The following F3 variants were observed in gnomAD, a reference collection of about 807,000 sequenced individuals.
F3 encodes tissue factor.
In F3, 18 loss-of-function variants were observed where a neutral mutation model predicts 33.5. The observed-to-expected ratio is 0.54, with a 90% CI of 0.37 to 0.80. The LOEUF (loss-of-function observed/expected upper bound fraction) is 0.80, where lower values mean the gene tolerates loss of function less well. Ranked by LOEUF, F3 falls within the 30% of genes least tolerant of loss-of-function variation. The pLI, the probability that F3 is intolerant of heterozygous loss-of-function variation, is 0.00. For synonymous variants in F3, 147 were observed against 140.7 expected (o/e 1.05, Z -0.32); for missense variants, 353 against 362.1 (o/e 0.97, Z 0.20).
At position 94,540,334 on chromosome 1, in the gene F3, A is replaced by T. The variant is rs763070336; in HGVS notation, c.135T>A (p.Thr45=). The part of the protein sequence containing the change: ...TTNTVAAYNL[T]WKSTNFKTIL... ...TTGTCTTGAAATTAGTTGATTTCCA[A>T]GTTAAATTATATGCTGCCACAGTAT... Residue 45 remains threonine, a synonymous_variant, in exon 2 of 6, where the codon ACT becomes ACA. Transcript: ENST00000334047. 9.9e-6 allele frequency: 16 copies of T among 1,614,042 alleles called. No individual in the cohort carries two copies. The highest frequency in any genetic ancestry group is 1.4e-5 in the Non-Finnish European group (16 of 1,179,922).
In F3 at chr1:94,529,888, A is replaced by G. The variant is rs1651363950; in HGVS notation, c.*572T>C. The G allele has an allele frequency of 1.3e-5, 2 of 152,242 alleles. No individual in the cohort carries two copies. The highest frequency in any genetic ancestry group is 4.8e-5 in the African/African-American group (2 of 41,394). The allele number at this position is 152,242 out of a possible 1,614,324, so 9.4% of individuals were successfully genotyped here. A position where few individuals can be genotyped will look rare whatever the true frequency, so the allele number is the denominator to read the frequency against. On this transcript the variant is annotated 3_prime_UTR_variant, in exon 6 of 6. Coordinates refer to ENST00000334047, the MANE Select transcript of F3 (RefSeq NM_001993.5). Reference sequence around the variant, plus strand: ...CAGGAATTCAAGACCAGCCTGGCCAAGATGGTGAAACCCCATCTCTACTAA... The same window carrying G: ...CAGGAATTCAAGACCAGCCTGGCCAGGATGGTGAAACCCCATCTCTACTAA...
chr1:94,536,797 C>G (rs1015385324), intron 2 of F3, among the ~76,000 whole-genome samples: 1 of 152,038 alleles, frequency 6.6e-6, no homozygotes, highest in Non-Finnish European at 1.5e-5. Flanking sequence ...TATAGTGAGT[C>G]TACATAATAA....
intron 4 of F3, chr1:94,532,874 C>T (rs564035884): frequency 7.8e-5 from 45 of 578,562 alleles, no homozygotes; most frequent in South Asian, 7.4e-4. Context: ...CCTGGGTCTC[C>T]GAGGGGGCCC....
intron 4 of F3, 39 bp downstream of exon 4, chr1:94,533,051 T>C: frequency 1.3e-6 from 2 of 1,594,028 alleles, no homozygotes; most frequent in Non-Finnish European, 1.7e-6. Context: ...GTATTCACAA[T>C]TTAAAACAGG....
At chr1:94,537,348 G>A (rs1651634482) in intron 2 of F3, among the ~76,000 whole-genome samples, 1 of 152,168 alleles carries the variant, frequency 6.6e-6, no homozygotes, top group Admixed American at 6.5e-5. Flanking sequence ...GACTGCCAGA[G>A]CCAGACCCAT....
intron 3 of F3, among the ~76,000 whole-genome samples, chr1:94,535,104 T>C (rs1651561103): frequency 6.6e-6 from 1 of 152,092 alleles, no homozygotes; most frequent in Non-Finnish European, 1.5e-5. Context: ...GGTTGGTTGG[T>C]TGTCCGTCCA....
intron 3 of F3, among the ~76,000 whole-genome samples, chr1:94,533,511 T>C (rs903348363): frequency 6.6e-5 from 10 of 152,190 alleles, no homozygotes; most frequent in Non-Finnish European, 1.5e-4. Flanking sequence ...GTAGTCACAT[T>C]AGAAAAAGTA....
intron 1 of F3, 95 bp downstream of exon 1, chr1:94,541,442 C>T (rs1339113465): frequency 5.9e-6 from 6 of 1,024,372 alleles, no homozygotes; most frequent in Non-Finnish European, 7.9e-6. Context: ...ACATGGGCGC[C>T]CCGGGGAACC....
At chr1:94,530,653 G>A (rs1364040352) in intron 5 of F3, 57 bp from the exon 6 acceptor site, 3 of 1,601,292 alleles carry the variant, frequency 1.9e-6, no homozygotes, top group Non-Finnish European at 2.6e-6. Flanking sequence ...TTTATCAGTG[G>A]ACAAAATTGA....
chr1:94,535,839 A>G, intron 3 of F3, 126 bp downstream of exon 3: 2 of 854,174 alleles, frequency 2.3e-6, no homozygotes, highest in South Asian at 1.7e-5. Context: ...GGGCTGTGAT[A>G]CATACCAGTT....
Position 94,532,487 on chromosome 1 carries a change from A to G in F3, c.592-7T>C. On this transcript the variant is annotated splice_polypyrimidine_tract_variant and splice_region_variant and intron_variant, in intron 4 of 5. Transcript: ENST00000334047. The stretch of plus-strand genomic sequence containing the variant: ...TGTTTGTTTTGGCTGTTTTCTGTAA[A>G]AAGATAGAGTTCTTAATTCATCTGG... 1 of 1,613,804 alleles carries G rather than the reference A, an allele frequency of 6.2e-7. No homozygotes were observed. Among genetic ancestry groups the G allele is most frequent in the Non-Finnish European group, 8.5e-7 (1 of 1,179,862 alleles).
chr1:94,532,704 T>C lies in F3; in HGVS notation c.592-224A>G, dbSNP rs3748015. Among the ~76,000 whole-genome samples the C allele has an allele frequency of 5.3e-5, 8 of 152,326 alleles. No individual in the cohort carries two copies. In the East Asian group the frequency reaches 1.2e-3, roughly 22 times the overall value. ...TCCAATTTAGGCATATTGAACCCTA[T>C]TGAGCCCCTTTAGAAGATATCTGCA... is the stretch of plus-strand genomic sequence containing the variant. On this transcript the variant is annotated intron_variant, in intron 4 of 5. Coordinates refer to ENST00000334047, the MANE Select transcript of F3 (RefSeq NM_001993.5).
intron 3 of F3, among the ~76,000 whole-genome samples, chr1:94,533,602 A>G (rs1651499559): frequency 6.6e-6 from 1 of 152,164 alleles, no homozygotes; most frequent in Non-Finnish European, 1.5e-5. Flanking sequence ...ATGGGTTTGA[A>G]CTCTGTGGAT....
rs527260851 is a variant in F3 at position 94,530,364 on chromosome 1, C to T, written c.*96G>A. 6.3e-5 allele frequency: 95 copies of T among 1,513,834 alleles called. No individual in the cohort carries two copies. Among genetic ancestry groups the T allele is most frequent in the African/African-American group, 2.7e-4 (20 of 72,792 alleles). 93.8% of individuals were successfully genotyped at this position (1,513,834 alleles called of 1,614,324 possible). On this transcript the variant is annotated 3_prime_UTR_variant, in exon 6 of 6. Transcript: ENST00000334047. Reference sequence around the variant, plus strand: ...TTTGAACTCCAGGGTCTTCATGCTCCGAAATACTCATTTGCGTTTCCATGT... The same window carrying T: ...TTTGAACTCCAGGGTCTTCATGCTCTGAAATACTCATTTGCGTTTCCATGT...
intron 2 of F3, among the ~76,000 whole-genome samples, chr1:94,539,041 G>T (rs1198977913): frequency 6.6e-6 from 1 of 152,142 alleles, no homozygotes; most frequent in Non-Finnish European, 1.5e-5. Flanking sequence ...TCAAATATTA[G>T]ATTGAATATA....
chr1:94,533,063 C>G, intron 4 of F3, 27 bp downstream of exon 4: 1 of 1,602,162 alleles, frequency 6.2e-7, no homozygotes, highest in Non-Finnish European at 8.5e-7. Context: ...TAAAACAGGT[C>G]ATAAAAACAA....
chr1:94,532,958 G>T (rs775798011), intron 4 of F3, 132 bp downstream of exon 4: 11 of 863,828 alleles, frequency 1.3e-5, no homozygotes, highest in Non-Finnish European at 1.8e-5. Context: ...CACAGTGCGC[G>T]CTCCCCCTTC....
chr1:94,533,704 TTCCTCC>T (rs750476033), intron 3 of F3, among the ~76,000 whole-genome samples: 2 of 151,496 alleles, frequency 1.3e-5, no homozygotes, highest in African/African-American at 2.4e-5. Context: ...GCCCCTGCTC[TTCCTCC>T]TCCTCCTCCT....
intron 2 of F3, among the ~76,000 whole-genome samples, chr1:94,536,540 G>C (rs1185744864): frequency 6.6e-6 from 1 of 152,148 alleles, no homozygotes; most frequent in Non-Finnish European, 1.5e-5. Context: ...GAGATTGGGT[G>C]ACTAGCTCAA....
Sources: gnomAD v4.1 joint callset for allele counts (sites outside exome capture counted in the v4.1 genomes callset) on GRCh38, gnomAD v4.1.1 for gene constraint, MANE v1.5 for transcripts, NCBI Gene and HGNC (gene_info 2026-07-23, HGNC 2026-07-21) for gene names.